The following PHF21B variants were observed in gnomAD, a reference collection of about 807,000 sequenced individuals.
PHF21B encodes the protein PHD finger protein 21B.
In PHF21B, 22 loss-of-function variants were observed where a neutral mutation model predicts 62.2. The observed-to-expected ratio is 0.35, with a 90% CI of 0.25 to 0.51. PHF21B has a LOEUF of 0.51. Ranked by LOEUF, PHF21B falls within the 20% of genes least tolerant of loss-of-function variation. PHF21B has a pLI of 0.97. For missense variants in PHF21B, 701 were observed against 707.9 expected (o/e 0.99, Z 0.11); for synonymous variants, 341 against 314.7 (o/e 1.08, Z -0.88).
At chr22:44,895,056 G>T (rs2071033117) in intron 6 of PHF21B, among the ~76,000 whole-genome samples, 1 of 152,228 alleles carries the variant, frequency 6.6e-6, no homozygotes, top group South Asian at 2.1e-4. Flanking sequence ...AACGCTAGGC[G>T]AACCTTCCCG....
At chr22:44,937,236 C>T (rs1358390625) in intron 2 of PHF21B, among the ~76,000 whole-genome samples, 1 of 152,076 alleles carries the variant, frequency 6.6e-6, no homozygotes, top group African/African-American at 2.4e-5. Context: ...CAAAACACAC[C>T]CAGACAAAAT....
chr22:44,945,988 A>T (rs1245702483), intron 2 of PHF21B, among the ~76,000 whole-genome samples: 1 of 151,752 alleles, frequency 6.6e-6, no homozygotes, highest in East Asian at 1.9e-4. Flanking sequence ...TCACCCACTT[A>T]CTCCCCAAAT....
At chr22:45,002,485 AC>A (rs1475626282) in intron 2 of PHF21B, among the ~76,000 whole-genome samples, 1 of 152,122 alleles carries the variant, frequency 6.6e-6, no homozygotes, top group Non-Finnish European at 1.5e-5. Context: ...TGGAACCCCC[AC>A]CCTCACAGCC....
At chr22:44,945,053 A>G (rs1207096187) in intron 2 of PHF21B, among the ~76,000 whole-genome samples, 3 of 151,980 alleles carry the variant, frequency 2.0e-5, no homozygotes, top group African/African-American at 4.8e-5. Context: ...CGGCTCACTC[A>G]CTCCTTGCCT....
intron 2 of PHF21B, among the ~76,000 whole-genome samples, chr22:44,931,642 G>GC (rs77322308): frequency 7.3e-6 from 1 of 137,192 alleles, no homozygotes; most frequent in African/African-American, 3.0e-5. Context: ...TGTGATCTTG[G>GC]GGGGGGGGTG....
intron 2 of PHF21B, among the ~76,000 whole-genome samples, chr22:44,990,826 T>C (rs1032366883): frequency 2.6e-5 from 4 of 152,242 alleles, no homozygotes; most frequent in Admixed American, 6.5e-5. Context: ...CGGTAAGTTT[T>C]ATGTTATGTC....
In PHF21B at chr22:44,927,667, C is replaced by A. The variant is rs148252986; in HGVS notation, c.121-7177G>T. Among the ~76,000 whole-genome samples the A allele has an allele frequency of 3.7e-3, 564 of 152,278 alleles. 4 individuals carry two copies. Among genetic ancestry groups the A allele is most frequent in the African/African-American group, 0.013 (536 of 41,552 alleles). On this transcript the variant is annotated intron_variant, in intron 2 of 12. Transcript: ENST00000313237. ...ACGTGTTTTCTTCACTCCAAGCCTA[C>A]CCGAGTGCGTTCTTCCACTTCCCTA... is the stretch of plus-strand genomic sequence containing the variant.
At chr22:44,923,734 T>A (rs2071578957) in intron 2 of PHF21B, among the ~76,000 whole-genome samples, 2 of 152,142 alleles carry the variant, frequency 1.3e-5, no homozygotes, top group Non-Finnish European at 2.9e-5. Flanking sequence ...GAAGATATAC[T>A]GGGCCAGGCA....
chr22:44,913,536 T>TCA (rs1419771199), intron 5 of PHF21B, among the ~76,000 whole-genome samples: 1 of 152,206 alleles, frequency 6.6e-6, no homozygotes, highest in Non-Finnish European at 1.5e-5. Flanking sequence ...CTGCTCACGG[T>TCA]CACACCACTG....
intron 2 of PHF21B, among the ~76,000 whole-genome samples, chr22:44,952,801 T>C (rs548847313): frequency 5.3e-5 from 8 of 152,354 alleles, no homozygotes; most frequent in Non-Finnish European, 1.0e-4. Context: ...TCAGAGACCC[T>C]GGCAGCCCTC....
intron 2 of PHF21B, among the ~76,000 whole-genome samples, chr22:45,000,058 C>A (rs1601697288): frequency 6.6e-6 from 1 of 152,136 alleles, no homozygotes; most frequent in African/African-American, 2.4e-5. Context: ...AACTACGGAA[C>A]CAGAGCCTCC....
intron 2 of PHF21B, among the ~76,000 whole-genome samples, chr22:44,942,950 C>G (rs1208294947): frequency 2.0e-5 from 3 of 151,656 alleles, no homozygotes; most frequent in Non-Finnish European, 2.9e-5. Context: ...GCTTAGGACA[C>G]AGGCCTGAGG....
chr22:44,936,510 C>A (rs1349851703), intron 2 of PHF21B, among the ~76,000 whole-genome samples: 5 of 152,230 alleles, frequency 3.3e-5, no homozygotes, highest in Admixed American at 3.3e-4. Context: ...CCACTCGAGA[C>A]AGGACCGCCT....
rs2070886906 is a variant in PHF21B, at chr22:44,887,836, T to G, written c.1197+127A>C. 5 of 986,184 alleles carry G rather than the reference T, an allele frequency of 5.1e-6. No individual in the cohort carries two copies. The South Asian group carries it at 1.5e-4, about 29-fold the overall frequency. The allele number at this position is 986,184 out of a possible 1,614,324, so 61.1% of individuals were successfully genotyped here. A position where few individuals can be genotyped will look rare whatever the true frequency, so the allele number is the denominator to read the frequency against. ...GGATTATCCAGCCCCAAATGTCAAT[T>G]GTGCTGAGGTTGAAAAAGCCTTCCT... On this transcript the variant is annotated intron_variant, in intron 10 of 12. Coordinates refer to ENST00000313237, the MANE Select transcript of PHF21B (RefSeq NM_138415.5).
At chr22:44,983,998 T>G (rs1015163557) in intron 2 of PHF21B, among the ~76,000 whole-genome samples, 26 of 151,096 alleles carry the variant, frequency 1.7e-4, no homozygotes, top group Non-Finnish European at 3.1e-4. Flanking sequence ...TCCCAGAGGT[T>G]AGCAAGGCAT....
At chr22:44,985,526 A>G (rs2072929306) in intron 2 of PHF21B, among the ~76,000 whole-genome samples, 1 of 149,822 alleles carries the variant, frequency 6.7e-6, no homozygotes, top group South Asian at 2.2e-4. Context: ...GGAACCCAGG[A>G]GTTGGAAGTT....
chr22:44,932,070 C>T (rs1248744129), intron 2 of PHF21B, among the ~76,000 whole-genome samples: 1 of 152,166 alleles, frequency 6.6e-6, no homozygotes, highest in Non-Finnish European at 1.5e-5. Flanking sequence ...TGGGTGAGGC[C>T]GTGTCACTCA....
chr22:44,950,695 A>G (rs2072175667), intron 2 of PHF21B, among the ~76,000 whole-genome samples: 1 of 152,158 alleles, frequency 6.6e-6, no homozygotes, highest in South Asian at 2.1e-4. Flanking sequence ...GTGGTCACAT[A>G]TTATGCAAAG....
chr22:44,933,418 T>C (rs1456932906), intron 2 of PHF21B: 13 of 976,618 alleles, frequency 1.3e-5, no homozygotes, highest in Admixed American at 6.2e-5. Flanking sequence ...GCCTCTTCTA[T>C]TTCCTGAAGC....
Sources: gnomAD v4.1 joint callset for allele counts (sites outside exome capture counted in the v4.1 genomes callset) on GRCh38, gnomAD v4.1.1 for gene constraint, MANE v1.5 for transcripts, NCBI Gene and HGNC (gene_info 2026-07-23, HGNC 2026-07-21) for gene names.